IL6ST: variants seen among roughly 807,000 people sequenced by gnomAD.
IL6ST encodes the protein interleukin-6 receptor subunit beta.
A neutral mutation model predicts 91.3 loss-of-function variants in IL6ST; 24 were observed. That is an observed-to-expected ratio of 0.26 (90% CI 0.19 to 0.37). The LOEUF (loss-of-function observed/expected upper bound fraction) is 0.37. IL6ST is among the 10% of genes least tolerant of loss of function. The pLI, the probability that IL6ST is intolerant of heterozygous loss-of-function variation, is 1.00. For missense variants in IL6ST, 914 were observed against 1,078.5 expected (o/e 0.85, Z 2.14); for synonymous variants, 351 against 373.6 (o/e 0.94, Z 0.70).
intron 8 of IL6ST, among the ~76,000 whole-genome samples, chr5:55,958,138 G>A (rs1293740891): frequency 1.1e-4 from 16 of 151,932 alleles, no homozygotes; most frequent in Non-Finnish European, 1.5e-4. Context: ...ACAGTGTCTC[G>A]CTCTGTTGCC....
intron 9 of IL6ST, among the ~76,000 whole-genome samples, chr5:55,956,973 C>T (rs965680006): frequency 5.3e-5 from 8 of 151,986 alleles, no homozygotes; most frequent in African/African-American, 1.9e-4. Context: ...TCCTGGCCAC[C>T]GTGGTGAAAC....
intron 15 of IL6ST, among the ~76,000 whole-genome samples, chr5:55,945,226 A>T (rs1162166362): frequency 6.6e-6 from 1 of 152,208 alleles, no homozygotes; most frequent in Non-Finnish European, 1.5e-5. Context: ...ACACTGGAAG[A>T]ATTCTACCTA....
intron 7 of IL6ST, among the ~76,000 whole-genome samples, chr5:55,962,768 C>T (rs527890844): frequency 4.6e-5 from 7 of 152,236 alleles, no homozygotes; most frequent in Non-Finnish European, 1.0e-4. Flanking sequence ...TTTATTTTTG[C>T]TCCTCTACTT....
intron 3 of IL6ST, among the ~76,000 whole-genome samples, chr5:55,974,544 G>A (rs1753158082): frequency 6.6e-6 from 1 of 152,210 alleles, no homozygotes; most frequent in Admixed American, 6.5e-5. Context: ...GAGTGCAGTG[G>A]TGCAATCTTG....
chr5:55,989,279 GA>G (rs1466597683), intron 1 of IL6ST, among the ~76,000 whole-genome samples: 1 of 151,904 alleles, frequency 6.6e-6, no homozygotes, highest in Admixed American at 6.6e-5. Context: ...TTTAGTATCT[GA>G]TTTTTTAAAA....
At chr5:55,991,590 T>C (rs531740758) in intron 1 of IL6ST, among the ~76,000 whole-genome samples, 10 of 152,228 alleles carry the variant, frequency 6.6e-5, no homozygotes, top group Admixed American at 1.3e-4. Flanking sequence ...TCACTCTCTC[T>C]ACAACACAAC....
rs989983995 is a variant in IL6ST, at chr5:55,936,772, T to G, written c.*4310A>C. ...AATAGCTGTGGTTACAATTAGCACA[T>G]GCAATTCACTGCAAAGGTAAAAATA... On this transcript the variant is annotated 3_prime_UTR_variant, in exon 17 of 17. Coordinates refer to ENST00000381298, the MANE Select transcript of IL6ST (RefSeq NM_002184.4). The G allele has an allele frequency of 5.2e-6, 1 of 192,314 alleles. No individual in the cohort carries two copies. The highest frequency in any genetic ancestry group is 2.3e-5 in the African/African-American group (1 of 43,114). 11.9% of individuals were successfully genotyped at this position (192,314 alleles called of 1,614,324 possible).
chr5:55,946,793 G>A (rs572800626), intron 15 of IL6ST, among the ~76,000 whole-genome samples: 3 of 151,302 alleles, frequency 2.0e-5, no homozygotes, highest in African/African-American at 7.3e-5. Context: ...CTCCAGTAAG[G>A]GAACAGAGTG....
At chr5:55,990,666 T>G (rs567779521) in intron 1 of IL6ST, among the ~76,000 whole-genome samples, 3 of 152,196 alleles carry the variant, frequency 2.0e-5, no homozygotes, top group Non-Finnish European at 2.9e-5. Context: ...TGTCTCTGAG[T>G]CTTATCAATT....
In IL6ST at chr5:55,952,296, A is replaced by G. The variant is rs750873638; in HGVS notation, c.1506T>C (p.Asp502=). The stretch of plus-strand genomic sequence containing the variant: ...TTATGGATTCAGGGCTTCCTGGTCC[A>G]TCAGCATATACTGGAGTAACTGTTA... ...YLITVTPVYA[D]GPGSPESIKA... is the part of the protein sequence containing the mutation. Residue 502 remains aspartate (D), a synonymous_variant, in exon 12 of 17, where the codon GAT becomes GAC. Coordinates refer to ENST00000381298, the MANE Select transcript of IL6ST (RefSeq NM_002184.4). The G allele has an allele frequency of 1.9e-6, 3 of 1,611,280 alleles. No individual in the cohort carries two copies. Among genetic ancestry groups the G allele is most frequent in the Admixed American group, 1.7e-5 (1 of 60,002 alleles).
Position 55,973,004 on chromosome 5 carries a change from CAAAAAAAAAGAAAAAAAGCAA to C in IL6ST, c.65-3170_65-3150del, listed in dbSNP as rs1348130450. On this transcript the variant is annotated intron_variant, in intron 3 of 16. Coordinates refer to ENST00000381298, the MANE Select transcript of IL6ST (RefSeq NM_002184.4). ...TAGGCAACGAAACGAGATTCCATCTCAAAAAAAAAGAAAAAAAGCAAAAAAAAAAAGAATATACTATAACCG... is the reference window on the plus strand; with the variant it reads ...TAGGCAACGAAACGAGATTCCATCTCAAAAAAAAAGAATATACTATAACCG... Among the ~76,000 whole-genome samples, 4 of 110,820 alleles carry C rather than the reference CAAAAAAAAAGAAAAAAAGCAA, an allele frequency of 3.6e-5. No individual in the cohort carries two copies. In the Admixed American group the frequency reaches 4.0e-4, roughly 11 times the overall value. The allele number at this position is 110,820 out of a possible 152,430, so 72.7% of individuals were successfully genotyped here. A position where few individuals can be genotyped will look rare whatever the true frequency, so the allele number is the denominator to read the frequency against.
In IL6ST at chr5:55,959,553, A is replaced by C. The variant is rs1032636157; in HGVS notation, c.973+849T>G. On this transcript the variant is annotated intron_variant, in intron 8 of 16. Coordinates refer to ENST00000381298, the MANE Select transcript of IL6ST (RefSeq NM_002184.4). ...GTGAGGATCTTACTTTAGACTGTAC[A>C]CTCTTTTTGTGCCTTTTTTATTCTA... is the stretch of plus-strand genomic sequence containing the variant. 1.4e-5 allele frequency: 9 copies of C among 658,080 alleles called. No homozygotes were observed. The Admixed American group carries it at 2.5e-4, about 18-fold the overall frequency. 40.8% of individuals were successfully genotyped at this position (658,080 alleles called of 1,614,324 possible).
rs1443850886 is a variant in IL6ST, at chr5:55,963,372, C to G, written c.793G>C (p.Asp265His). The change falls in exon 7 of 17, where the codon GAT (aspartate) becomes CAT (histidine). Residue 265 changes from aspartate (D) to histidine (H), a missense_variant. Coordinates refer to ENST00000381298, the MANE Select transcript of IL6ST (RefSeq NM_002184.4). ...LKYNIQYRTK[D>H]ASTWSQIPPE... ...TTTACCTGGCTCCAAGTTGAGGCATCTTTGGTCCTATATTGAATGTTATAT... is the reference window on the plus strand; with the variant it reads ...TTTACCTGGCTCCAAGTTGAGGCATGTTTGGTCCTATATTGAATGTTATAT... The G allele has an allele frequency of 6.3e-7, 1 of 1,586,976 alleles. No homozygotes were observed. The highest frequency in any genetic ancestry group is 8.6e-7 in the Non-Finnish European group (1 of 1,168,696).
chr5:55,994,778 C>T lies in IL6ST; in HGVS notation c.-104+6G>A, dbSNP rs1181805700. 1 of 152,926 alleles carries T rather than the reference C, an allele frequency of 6.5e-6. No individual in the cohort carries two copies. Among genetic ancestry groups the T allele is most frequent in the Non-Finnish European group, 1.5e-5 (1 of 68,664 alleles). 9.5% of individuals were successfully genotyped at this position (152,926 alleles called of 1,614,324 possible). A position where few individuals can be genotyped will look rare whatever the true frequency, so the allele number is the denominator to read the frequency against. ...CTACGCGACCCAGCACCCGGCCCCT[C>T]CTCACCTCAGGCCGCGCCGCCTCGA... On this transcript the variant is annotated splice_donor_region_variant and intron_variant, in intron 1 of 16. Coordinates refer to ENST00000381298, the MANE Select transcript of IL6ST (RefSeq NM_002184.4).
intron 10 of IL6ST, among the ~76,000 whole-genome samples, chr5:55,955,303 C>G (rs538257841): frequency 2.6e-5 from 4 of 152,174 alleles, no homozygotes; most frequent in African/African-American, 9.6e-5. Context: ...ACTAAAAATA[C>G]AAAATTAGCC....
At chr5:55,986,226 A>G (rs147787968) in intron 1 of IL6ST, among the ~76,000 whole-genome samples, 6 of 152,358 alleles carry the variant, frequency 3.9e-5, no homozygotes, top group Non-Finnish European at 8.8e-5. Context: ...ATCCCTGAAT[A>G]TAACTGTGGA....
rs1750513620 is a variant in IL6ST, at chr5:55,936,213, A to C, written c.*4869T>G. 4.4e-6 allele frequency: 1 copy of C among 227,916 alleles called. No individual in the cohort carries two copies. The highest frequency in any genetic ancestry group is 5.7e-5 in the Admixed American group (1 of 17,562). 14.1% of individuals were successfully genotyped at this position (227,916 alleles called of 1,614,324 possible). A position where few individuals can be genotyped will look rare whatever the true frequency, so the allele number is the denominator to read the frequency against. ...CCTCAAGAAGTAGCAGGAGGATGCC[A>C]TGTATCAATCTTGAACTTCAAGTCT... On this transcript the variant is annotated 3_prime_UTR_variant, in exon 17 of 17. Transcript: ENST00000381298.
chr5:55,972,176 G>A lies in IL6ST; in HGVS notation c.65-2321C>T, dbSNP rs183271537. Among the ~76,000 whole-genome samples the A allele has an allele frequency of 5.3e-4, 81 of 152,266 alleles. No individual in the cohort carries two copies. The East Asian group carries it at 0.013, about 25-fold the overall frequency. ...CTAAAAAGATATAATTAGAGACTCA[G>A]TATGAATAATTTTTAATCACACAGA... On this transcript the variant is annotated intron_variant, in intron 3 of 16. Transcript: ENST00000381298.
Position 55,937,243 on chromosome 5 carries a change from GAAGTTA to G in IL6ST, c.*3833_*3838del, listed in dbSNP as rs1291947084. On this transcript the variant is annotated 3_prime_UTR_variant, in exon 17 of 17. Coordinates refer to ENST00000381298, the MANE Select transcript of IL6ST (RefSeq NM_002184.4). ...CATCAACTTTAATGAAATGGGTAAT[GAAGTTA>G]AACTAACCAGTTTGTACAAACTATT... The G allele has an allele frequency of 4.7e-6, 1 of 214,242 alleles. No homozygotes were observed. Among genetic ancestry groups the G allele is most frequent in the Non-Finnish European group, 9.4e-6 (1 of 106,114 alleles). The allele number at this position is 214,242 out of a possible 1,614,324, so 13.3% of individuals were successfully genotyped here. A position where few individuals can be genotyped will look rare whatever the true frequency, so the allele number is the denominator to read the frequency against.
Sources: gnomAD v4.1 joint callset for allele counts (sites outside exome capture counted in the v4.1 genomes callset) on GRCh38, gnomAD v4.1.1 for gene constraint, MANE v1.5 for transcripts, NCBI Gene and HGNC (gene_info 2026-07-23, HGNC 2026-07-21) for gene names.